Variants in LMNB2 observed in about 807,000 individuals in gnomAD.
The protein encoded by LMNB2 is lamin-B2.
A neutral mutation model predicts 69.3 loss-of-function variants in LMNB2; 17 were observed. The ratio of observed to expected loss-of-function variants is 0.25; its 90% confidence interval spans 0.17 to 0.37. The LOEUF is 0.37. LMNB2 is among the 10% of genes least tolerant of loss of function. The pLI, the probability that LMNB2 is intolerant of heterozygous loss-of-function variation, is 1.00. For synonymous variants in LMNB2, 397 were observed against 389.3 expected, an observed-to-expected ratio of 1.02 and a Z score of -0.23; for missense variants, 789 against 883.6, an observed-to-expected ratio of 0.89 and a Z score of 1.36.
Position 2,438,088 on chromosome 19 carries a change from T to C in LMNB2, c.684+75A>G, listed in dbSNP as rs1002329118. The C allele has an allele frequency of 2.1e-5, 34 of 1,601,384 alleles. No individual in the cohort carries two copies. In the African/African-American group the frequency reaches 4.4e-4, roughly 21 times the overall value. On this transcript the variant is annotated intron_variant, in intron 4 of 11. Coordinates refer to ENST00000325327, the MANE Select transcript of LMNB2 (RefSeq NM_032737.4). The stretch of plus-strand genomic sequence containing the variant: ...CCCCGGCCACACGGTGCCCTCAGGC[T>C]TCCGCCCTCCACAGCCATGAGGGTG...
rs758940936 is a variant in LMNB2, at chr19:2,430,893, T to C, written c.*18A>G. 3.3e-6 allele frequency: 5 copies of C among 1,519,850 alleles called. No homozygotes were observed. Among genetic ancestry groups the C allele is most frequent in the Middle Eastern group, 1.7e-4 (1 of 5,862 alleles). The allele number at this position is 1,519,850 out of a possible 1,614,324, so 94.1% of individuals were successfully genotyped here. A position where few individuals can be genotyped will look rare whatever the true frequency, so the allele number is the denominator to read the frequency against. On this transcript the variant is annotated 3_prime_UTR_variant, in exon 12 of 12. Transcript: ENST00000325327. ...GTGGCTCTGGGTAAAGAAAGGTGTG[T>C]GGATGAGGAGTGTGGGTTCACATCA...
At chr19:2,454,308 A>G (rs1972064790) in intron 1 of LMNB2, among the ~76,000 whole-genome samples, 1 of 151,174 alleles carries the variant, frequency 6.6e-6, no homozygotes, top group South Asian at 2.1e-4. Context: ...AAAAAAAAAA[A>G]AAAAAGAAAG....
chr19:2,446,671 G>A (rs943795701), intron 1 of LMNB2, among the ~76,000 whole-genome samples: 1 of 152,226 alleles, frequency 6.6e-6, no homozygotes, highest in African/African-American at 2.4e-5. Flanking sequence ...AGGTGCGGGC[G>A]AGTACGCAGA....
At chr19:2,436,472 G>A (rs1250674363) in intron 4 of LMNB2, among the ~76,000 whole-genome samples, 7 of 152,116 alleles carry the variant, frequency 4.6e-5, no homozygotes, top group Non-Finnish European at 8.8e-5. Flanking sequence ...AAGGCGGGTA[G>A]CCCAGGCAAG....
intron 1 of LMNB2, among the ~76,000 whole-genome samples, chr19:2,454,217 C>T (rs1033035448): frequency 1.3e-5 from 2 of 148,444 alleles, no homozygotes; most frequent in African/African-American, 2.5e-5. Context: ...CACTTGAACC[C>T]GGGAGGCAGA....
chr19:2,455,930 T>G (rs1253512826), intron 1 of LMNB2, among the ~76,000 whole-genome samples: 2 of 126,714 alleles, frequency 1.6e-5, no homozygotes, highest in Admixed American at 7.7e-5. Context: ...AGGGACCCCT[T>G]GAAACCCCCT....
Position 2,434,894 on chromosome 19 carries a change from C to T in LMNB2, c.875G>A (p.Ser292Asn). 2 of 1,605,414 alleles carry T rather than the reference C, an allele frequency of 1.2e-6. No homozygotes were observed. Among genetic ancestry groups the T allele is most frequent in the Non-Finnish European group, 1.7e-6 (2 of 1,179,256 alleles). ...YQAKLDSAKLSSDQNDKAASA... is the reference protein window; with the variant it reads ...YQAKLDSAKLNSDQNDKAASA... ...GGCCGCCTTGTCGTTCTGGTCAGAG[C>T]TCAGCTTGGCGCTGTCCAGCTGTGG... The change falls in exon 6 of 12, where the codon AGC (serine) becomes AAC (asparagine). Residue 292 changes from serine to asparagine, a missense_variant. Transcript: ENST00000325327.
chr19:2,445,480 C>A (rs1971944732), intron 1 of LMNB2, among the ~76,000 whole-genome samples: 1 of 152,056 alleles, frequency 6.6e-6, no homozygotes, highest in South Asian at 2.1e-4. Context: ...GAAGCTCCCA[C>A]CCCTCAATCA....
intron 4 of LMNB2, among the ~76,000 whole-genome samples, chr19:2,436,581 G>A (rs1458186758): frequency 4.1e-5 from 4 of 97,710 alleles, no homozygotes; most frequent in Admixed American, 2.3e-4. Flanking sequence ...TCACGGCTGC[G>A]CACCCACCTC....
intron 9 of LMNB2, 77 bp from the exon 10 acceptor site, chr19:2,431,979 AC>A: frequency 6.5e-7 from 1 of 1,534,952 alleles, no homozygotes; most frequent in Non-Finnish European, 8.8e-7. Flanking sequence ...GGCCCCTACC[AC>A]AAAGCCCCCT....
rs1284289085 is a variant in LMNB2 at position 2,453,178 on chromosome 19, C to T, written c.264+3492G>A. 6.6e-6 allele frequency among the ~76,000 whole-genome samples: 1 copy of T among 152,122 alleles called. No homozygotes were observed. Among genetic ancestry groups the T allele is most frequent in the African/African-American group, 2.4e-5 (1 of 41,408 alleles). Reference sequence around the variant, plus strand: ...TCCACCCACGCTGTGCCGATGCCGTCTCCCTCCCAATGTGACAACCAAGGG... The same window carrying T: ...TCCACCCACGCTGTGCCGATGCCGTTTCCCTCCCAATGTGACAACCAAGGG... On this transcript the variant is annotated intron_variant, in intron 1 of 11. Coordinates refer to ENST00000325327, the MANE Select transcript of LMNB2 (RefSeq NM_032737.4). The surrounding 1 kb of genome is among the most constrained non-coding windows in gnomAD (Gnocchi z 4.4).
chr19:2,430,393 C>T lies in LMNB2; in HGVS notation c.*518G>A, dbSNP rs1971723982. ...CGCCATCCCCATGCTGGCCCACACC[C>T]GCTGCGTGGCTGCCTGAGGAGTTCC... On this transcript the variant is annotated 3_prime_UTR_variant, in exon 12 of 12. Coordinates refer to ENST00000325327, the MANE Select transcript of LMNB2 (RefSeq NM_032737.4). The T allele has an allele frequency of 1.0e-5, 2 of 197,740 alleles. No individual in the cohort carries two copies. The highest frequency in any genetic ancestry group is 1.3e-4 in the East Asian group (1 of 7,910). 12.2% of individuals were successfully genotyped at this position (197,740 alleles called of 1,614,324 possible). A position where few individuals can be genotyped will look rare whatever the true frequency, so the allele number is the denominator to read the frequency against.
chr19:2,434,171 T>G (rs1287985557), intron 7 of LMNB2, 66 bp from the exon 8 acceptor site: 3 of 1,545,100 alleles, frequency 1.9e-6, no homozygotes, highest in East Asian at 4.8e-5. Flanking sequence ...GCACGCAGAG[T>G]GGCGGCCACG....
chr19:2,452,825 C>A (rs978069761), intron 1 of LMNB2, among the ~76,000 whole-genome samples: 3 of 152,228 alleles, frequency 2.0e-5, no homozygotes, highest in African/African-American at 7.2e-5. Flanking sequence ...TGAACTGAGT[C>A]CCTCACGCCT....
At chr19:2,445,938 C>G (rs1310714660) in intron 1 of LMNB2, among the ~76,000 whole-genome samples, 2 of 61,036 alleles carry the variant, frequency 3.3e-5, no homozygotes, top group East Asian at 5.9e-4. Context: ...GCTGCCCCCC[C>G]CAACCAGCCG....
chr19:2,446,622 G>A (rs558346641), intron 1 of LMNB2, among the ~76,000 whole-genome samples: 1 of 152,294 alleles, frequency 6.6e-6, no homozygotes, highest in South Asian at 2.1e-4. Context: ...ATGCCACTTC[G>A]CACCAGCCAG....
At chr19:2,437,870 C>A (rs1224804973) in intron 4 of LMNB2, among the ~76,000 whole-genome samples, 1 of 152,002 alleles carries the variant, frequency 6.6e-6, no homozygotes, top group African/African-American at 2.4e-5. Context: ...GGGGTCTCTG[C>A]AGATGCCATT....
rs1249807832 is a variant in LMNB2 at position 2,430,869 on chromosome 19, T to C, written c.*42A>G. On this transcript the variant is annotated 3_prime_UTR_variant, in exon 12 of 12. Transcript: ENST00000325327. ...CCAATGATATAAAAATAGTTTTCAG[T>C]GGCTCTGGGTAAAGAAAGGTGTGTG... The C allele has an allele frequency of 1.5e-6, 2 of 1,293,202 alleles. No homozygotes were observed. Among genetic ancestry groups the C allele is most frequent in the Non-Finnish European group, 2.3e-6 (2 of 887,004 alleles). 80.1% of individuals were successfully genotyped at this position (1,293,202 alleles called of 1,614,324 possible).
Position 2,443,560 on chromosome 19 carries a change from G to A in LMNB2, c.401+844C>T, listed in dbSNP as rs1035356797. 2.6e-5 allele frequency among the ~76,000 whole-genome samples: 4 copies of A among 152,242 alleles called. No homozygotes were observed. The highest frequency in any genetic ancestry group is 4.8e-5 in the African/African-American group (2 of 41,538). On this transcript the variant is annotated intron_variant, in intron 2 of 11. Coordinates refer to ENST00000325327, the MANE Select transcript of LMNB2 (RefSeq NM_032737.4). The surrounding 1 kb of genome is among the most constrained non-coding windows in gnomAD (Gnocchi z 6.2). ...CAGGCCTGCGTGGCTCTGGGAGAATGAGCAGTGTGGGAAGACCCTGACCCA... is the reference window on the plus strand; with the variant it reads ...CAGGCCTGCGTGGCTCTGGGAGAATAAGCAGTGTGGGAAGACCCTGACCCA...
Sources: gnomAD v4.1 joint callset for allele counts (sites outside exome capture counted in the v4.1 genomes callset) on GRCh38, gnomAD v4.1.1 for gene constraint, Gnocchi (gnomAD v3.1) non-coding constraint, MANE v1.5 for transcripts, NCBI Gene and HGNC (gene_info 2026-07-23, HGNC 2026-07-21) for gene names.